The following POLG2 variants were observed in gnomAD, a reference collection of about 807,000 sequenced individuals.
POLG2 encodes the protein DNA polymerase gamma 2, accessory subunit.
A neutral mutation model predicts 56.5 loss-of-function variants in POLG2; 50 were observed. The observed-to-expected ratio is 0.88, with a 90% CI of 0.71 to 1.12. The LOEUF (loss-of-function observed/expected upper bound fraction) is 1.12, where lower values mean the gene tolerates loss of function less well. POLG2 is among the 50% of genes most tolerant of loss of function. The pLI is 0.00. For synonymous variants in POLG2, 226 were observed against 222.6 expected, an observed-to-expected ratio of 1.02 and a Z score of -0.14; for missense variants, 584 against 583.3, an observed-to-expected ratio of 1.00 and a Z score of -0.01.
chr17:64,496,797 C>G lies in POLG2; in HGVS notation c.172G>C (p.Glu58Gln). 3 of 1,613,914 alleles carry G rather than the reference C, an allele frequency of 1.9e-6. No individual in the cohort carries two copies. The highest frequency in any genetic ancestry group is 2.5e-6 in the Non-Finnish European group (3 of 1,180,038). The part of the protein sequence containing the change: ...AELEGNGEHP[E>Q]APGSGEGSEA... The stretch of plus-strand genomic sequence containing the variant: ...CTTCCCTCTCCAGACCCGGGGGCTT[C>G]TGGGTGCTCGCCGTTCCCCTCGAGC... Residue 58 changes from glutamate (E) to glutamine (Q), a missense_variant, in exon 1 of 8, where the codon GAA becomes CAA. Transcript: ENST00000539111.
At chr17:64,491,333 G>A (rs782591243) in intron 3 of POLG2, among the ~76,000 whole-genome samples, 8 of 152,148 alleles carry the variant, frequency 5.3e-5, no homozygotes, top group South Asian at 4.1e-4. Context: ...AGTGGCTCAC[G>A]CCTGTTATGC....
At chr17:64,487,724 G>A (rs2037983026) in intron 4 of POLG2, among the ~76,000 whole-genome samples, 1 of 151,974 alleles carries the variant, frequency 6.6e-6, no homozygotes, top group African/African-American at 2.4e-5. Flanking sequence ...GCTTTAGGCT[G>A]GGCACAGTGA....
At chr17:64,481,177 A>T in intron 6 of POLG2, 1 of 623,882 alleles carries the variant, frequency 1.6e-6, no homozygotes, top group Non-Finnish European at 2.0e-6. Context: ...AGACATTACT[A>T]AATGGTGACT....
intron 1 of POLG2, among the ~76,000 whole-genome samples, chr17:64,494,284 A>G (rs2038113508): frequency 1.3e-5 from 2 of 152,218 alleles, no homozygotes; most frequent in Non-Finnish European, 2.9e-5. Context: ...AAAATACTAC[A>G]TAGTAGATGT....
intron 3 of POLG2, among the ~76,000 whole-genome samples, chr17:64,491,940 A>C (rs1382163444): frequency 4.8e-5 from 7 of 146,832 alleles, no homozygotes; most frequent in Admixed American, 3.4e-4. Flanking sequence ...AAAAAAAAAC[A>C]AAAAAAAAAC....
intron 1 of POLG2, 34 bp from the exon 2 acceptor site, chr17:64,493,055 T>A (rs1022295353): frequency 6.2e-7 from 1 of 1,611,556 alleles, no homozygotes; most frequent in East Asian, 2.2e-5. Flanking sequence ...TGTATACATC[T>A]AGTCCACAAA....
intron 3 of POLG2, chr17:64,491,576 G>C (rs1289123626): frequency 6.4e-7 from 1 of 1,551,882 alleles, no homozygotes; most frequent in Non-Finnish European, 8.9e-7. Context: ...TCAAACTAGG[G>C]GAGCTGCCAA....
intron 5 of POLG2, chr17:64,483,896 G>C (rs1311740107): frequency 6.6e-6 from 1 of 152,058 alleles, no homozygotes; most frequent in Non-Finnish European, 1.5e-5. Flanking sequence ...TTTTTTTGTA[G>C]AGATGAAGTT....
intron 6 of POLG2, 50 bp from the exon 7 acceptor site, chr17:64,480,439 G>T: frequency 1.1e-6 from 1 of 878,328 alleles, no homozygotes; most frequent in Non-Finnish European, 1.9e-6. Flanking sequence ...ATGGTAGCTA[G>T]AGTGATTATT....
chr17:64,490,082 A>C (rs1279815668), intron 4 of POLG2, among the ~76,000 whole-genome samples: 5 of 152,002 alleles, frequency 3.3e-5, no homozygotes, highest in Non-Finnish European at 7.4e-5. Flanking sequence ...AAGCCACCAC[A>C]TCCAGCTAAT....
intron 6 of POLG2, 30 bp from the exon 7 acceptor site, chr17:64,480,419 G>A: frequency 9.2e-7 from 1 of 1,083,026 alleles, no homozygotes; most frequent in South Asian, 1.3e-5. Flanking sequence ...CTTCAAATAT[G>A]AAAGAAATAA....
At chr17:64,495,473 GGAGGCTGAGGTGGGAGGTTCACTT>G (rs1555669347) in intron 1 of POLG2, among the ~76,000 whole-genome samples, 1 of 151,926 alleles carries the variant, frequency 6.6e-6, no homozygotes, top group African/African-American at 2.4e-5. Context: ...CAGCTACTTG[GGAGGCTGAGGTGGGAGGTTCACTT>G]GAGCCCGAGG....
chr17:64,495,503 C>T (rs529832919), intron 1 of POLG2, among the ~76,000 whole-genome samples: 2 of 151,952 alleles, frequency 1.3e-5, no homozygotes, highest in South Asian at 2.1e-4. Context: ...CACTTGAGCC[C>T]GAGGTCGAGG....
intron 1 of POLG2, 129 bp downstream of exon 1, chr17:64,496,278 C>A: frequency 1.5e-6 from 1 of 667,326 alleles, no homozygotes; most frequent in South Asian, 1.9e-5. Context: ...CCGACTACTT[C>A]AAAAAGATGA....
intron 3 of POLG2, 104 bp downstream of exon 3, chr17:64,492,563 C>T: frequency 1.4e-6 from 1 of 707,322 alleles, no homozygotes; most frequent in South Asian, 1.5e-5. Flanking sequence ...ATATTAATAG[C>T]TACATACATC....
intron 6 of POLG2, 80 bp from the exon 7 acceptor site, chr17:64,480,469 A>G: frequency 1.5e-6 from 1 of 672,994 alleles, no homozygotes; most frequent in East Asian, 3.0e-5. Flanking sequence ...TGAAGCCACA[A>G]ATCACCCTCT....
At chr17:64,490,259 A>T (rs2038034814) in intron 4 of POLG2, among the ~76,000 whole-genome samples, 1 of 152,186 alleles carries the variant, frequency 6.6e-6, no homozygotes, top group Admixed American at 6.5e-5. Context: ...TTAGCTTTAC[A>T]CTGGAGAAAT....
chr17:64,492,642 A>T, intron 3 of POLG2, 25 bp downstream of exon 3: 1 of 1,349,886 alleles, frequency 7.4e-7, no homozygotes, highest in South Asian at 1.2e-5. Context: ...ATTAACTATT[A>T]AATTAAAGGT....
At chr17:64,485,066 T>G (rs1486498195) in intron 5 of POLG2, 1 of 152,270 alleles carries the variant, frequency 6.6e-6, no homozygotes, top group African/African-American at 2.4e-5. Context: ...TTTTTATATC[T>G]CACTATCCTT....
Sources: gnomAD v4.1 joint callset for allele counts (sites outside exome capture counted in the v4.1 genomes callset) on GRCh38, gnomAD v4.1.1 for gene constraint, MANE v1.5 for transcripts, NCBI Gene and HGNC (gene_info 2026-07-23, HGNC 2026-07-21) for gene names.